TRPC4: variants seen among roughly 807,000 people sequenced by gnomAD.
TRPC4 encodes transient receptor potential cation channel subfamily C member 4, also known as short transient receptor potential channel 4.
In TRPC4, 49 loss-of-function variants were observed where a neutral mutation model predicts 99.4. The observed-to-expected ratio is 0.49, with a 90% confidence interval of 0.39 to 0.63. TRPC4 has a LOEUF of 0.63. Ranked by LOEUF, TRPC4 falls within the 20% of genes least tolerant of loss-of-function variation. The pLI, the probability that TRPC4 is intolerant of heterozygous loss-of-function variation, is 0.00. For missense variants in TRPC4, 898 were observed against 1,152.9 expected, an observed-to-expected ratio of 0.78 and a Z score of 3.20; for synonymous variants, 454 against 425.9, an observed-to-expected ratio of 1.07 and a Z score of -0.81.
chr13:37,703,002 G>A (rs565721078), intron 3 of TRPC4, among the ~76,000 whole-genome samples: 6 of 152,090 alleles, frequency 3.9e-5, no homozygotes, highest in Admixed American at 3.3e-4. Context: ...AAAAAAGAAG[G>A]GTCATAAAGC....
At chr13:37,824,346 G>T (rs1958131153) in intron 1 of TRPC4, among the ~76,000 whole-genome samples, 1 of 147,284 alleles carries the variant, frequency 6.8e-6, no homozygotes, top group African/African-American at 2.5e-5. Context: ...TCCCTGTCTT[G>T]TGCCAGTTTT....
At chr13:37,693,694 A>G (rs1375501814) in intron 3 of TRPC4, among the ~76,000 whole-genome samples, 3 of 152,210 alleles carry the variant, frequency 2.0e-5, no homozygotes, top group Non-Finnish European at 2.9e-5. Context: ...GTAATCCAAT[A>G]GTTGAGGTGT....
rs190313181 is a variant in TRPC4 at position 37,868,269 on chromosome 13, G to A, written c.-28+1326C>T. Among the ~76,000 whole-genome samples the A allele has an allele frequency of 2.0e-5, 3 of 146,600 alleles. No homozygotes were observed. The Admixed American group carries it at 2.1e-4, about 10-fold the overall frequency. On this transcript the variant is annotated intron_variant, in intron 1 of 10. Coordinates refer to ENST00000379705, the MANE Select transcript of TRPC4 (RefSeq NM_016179.4). ...ATCTTTCAGAATGACCAGTGAGCAA[G>A]TAAATTGAAATTGATCTTATTGTTT... is the stretch of plus-strand genomic sequence containing the variant.
chr13:37,639,351 TA>T (rs779614401), intron 8 of TRPC4, 52 bp from the exon 9 acceptor site: 2 of 1,518,886 alleles, frequency 1.3e-6, no homozygotes, highest in Non-Finnish European at 1.8e-6. Flanking sequence ...ATTACTATTC[TA>T]AAAAATAATT....
chr13:37,746,566 G>GTT lies in TRPC4; in HGVS notation c.379-112_379-111insAA, dbSNP rs200975733. ...AACAGGGTTTATATGTCCTTGGCCG[G>GTT]GTTTTTTTTTTTTTGTAGGAGAGAT... On this transcript the variant is annotated intron_variant, in intron 2 of 10. Transcript: ENST00000379705. 5,149 of 792,700 alleles carry GTT rather than the reference G, an allele frequency of 6.5e-3. 19 individuals are homozygous for GTT. Among genetic ancestry groups the GTT allele is most frequent in the African/African-American group, 0.023 (1,067 of 46,486 alleles). The allele number at this position is 792,700 out of a possible 1,614,324, so 49.1% of individuals were successfully genotyped here.
chr13:37,704,015 G>A (rs2138948644), intron 3 of TRPC4, among the ~76,000 whole-genome samples: 1 of 152,182 alleles, frequency 6.6e-6, no homozygotes. Context: ...TATAATGGAA[G>A]ATTAGTCAGC....
chr13:37,834,700 G>A (rs1958513495), intron 1 of TRPC4, among the ~76,000 whole-genome samples: 1 of 152,104 alleles, frequency 6.6e-6, no homozygotes, highest in Admixed American at 6.6e-5. Context: ...TCAATCTTGA[G>A]TTTATCTCAC....
At chr13:37,771,383 G>C (rs2139292420) in intron 2 of TRPC4, among the ~76,000 whole-genome samples, 1 of 151,898 alleles carries the variant, frequency 6.6e-6, no homozygotes. Context: ...TGAAGAGGGA[G>C]CAGAAGAGAG....
At chr13:37,687,618 T>A (rs549481880) in intron 4 of TRPC4, among the ~76,000 whole-genome samples, 1 of 152,360 alleles carries the variant, frequency 6.6e-6, no homozygotes, top group South Asian at 2.1e-4. Flanking sequence ...TTTCATGTAA[T>A]TTTTTAATAA....
At chr13:37,776,851 G>T (rs1288571909) in intron 2 of TRPC4, among the ~76,000 whole-genome samples, 1 of 151,786 alleles carries the variant, frequency 6.6e-6, no homozygotes, top group Non-Finnish European at 1.5e-5. Context: ...ATTTAGATTT[G>T]TCTAAAGAAC....
intron 3 of TRPC4, among the ~76,000 whole-genome samples, chr13:37,694,565 C>G (rs984345044): frequency 1.3e-5 from 2 of 152,142 alleles, no homozygotes; most frequent in African/African-American, 4.8e-5. Flanking sequence ...TAAAAAAAAG[C>G]AAGGAATTTA....
At chr13:37,755,043 G>A (rs1258775685) in intron 2 of TRPC4, among the ~76,000 whole-genome samples, 1 of 151,992 alleles carries the variant, frequency 6.6e-6, no homozygotes, top group Non-Finnish European at 1.5e-5. Flanking sequence ...ATTTATCTCT[G>A]TCACTAAAAT....
intron 9 of TRPC4, 62 bp downstream of exon 9, chr13:37,639,196 T>C: frequency 6.2e-7 from 1 of 1,612,722 alleles, no homozygotes; most frequent in Non-Finnish European, 8.5e-7. Context: ...GAGTCAGTTC[T>C]GAAGGGGGGA....
intron 3 of TRPC4, among the ~76,000 whole-genome samples, chr13:37,698,796 A>G (rs1954007035): frequency 6.6e-6 from 1 of 152,222 alleles, no homozygotes; most frequent in Admixed American, 6.5e-5. Context: ...ACCATTAAGC[A>G]CGATGCCAAT....
At chr13:37,719,714 AG>A (rs145296821) in intron 3 of TRPC4, among the ~76,000 whole-genome samples, 4,943 of 152,048 alleles carry the variant, frequency 0.033, 195 homozygotes, top group African/African-American at 0.1. Context: ...ATATTGCATG[AG>A]GTATACAATA....
chr13:37,649,786 A>T (rs981944868), intron 8 of TRPC4, among the ~76,000 whole-genome samples: 2 of 147,904 alleles, frequency 1.4e-5, no homozygotes, highest in African/African-American at 2.5e-5. Flanking sequence ...AAGCTATTAC[A>T]TTTATTCTAA....
At chr13:37,796,907 A>G (rs1484302614) in intron 1 of TRPC4, among the ~76,000 whole-genome samples, 8 of 148,112 alleles carry the variant, frequency 5.4e-5, no homozygotes, top group African/African-American at 1.7e-4. Flanking sequence ...AGTCTGGACA[A>G]CATAGCAAAA....
At chr13:37,818,982 G>GA (rs1003897263) in intron 1 of TRPC4, among the ~76,000 whole-genome samples, 3 of 151,404 alleles carry the variant, frequency 2.0e-5, no homozygotes, top group African/African-American at 7.3e-5. Context: ...ACAAGCATAT[G>GA]AAAAAAAATT....
chr13:37,648,916 T>C (rs75068884), intron 8 of TRPC4, among the ~76,000 whole-genome samples: 1 of 152,178 alleles, frequency 6.6e-6, no homozygotes, highest in African/African-American at 2.4e-5. Context: ...TGTGTTTTGT[T>C]ACAAGTTTCC....
Sources: allele counts gnomAD v4.1 joint callset (sites outside exome capture counted in the v4.1 genomes callset), GRCh38; gene constraint gnomAD v4.1.1; transcripts MANE v1.5; gene names NCBI Gene and HGNC (gene_info 2026-07-23, HGNC 2026-07-21).